The following NOC2L variants were observed in gnomAD, a reference collection of about 807,000 sequenced individuals.
The protein encoded by NOC2L is NOC2 like nucleolar associated transcriptional repressor.
NOC2L carries 101 observed loss-of-function variants against 94.2 expected under a neutral mutation model. That is an observed-to-expected ratio of 1.07 (90% CI 0.91 to 1.26). The LOEUF is 1.26. NOC2L is among the 50% of genes most tolerant of loss of function. NOC2L has a pLI of 0.00. For missense variants in NOC2L, 1,076 were observed against 980.1 expected (o/e 1.10, Z -1.31); for synonymous variants, 531 against 413.4 (o/e 1.28, Z -3.45).
In NOC2L at chr1:953,352, G is replaced by A; in HGVS notation, c.889-64C>T. 3.1e-6 allele frequency: 3 copies of A among 970,234 alleles called. No individual in the cohort carries two copies. The South Asian group carries it at 4.1e-5, about 13-fold the overall frequency. 60.1% of individuals were successfully genotyped at this position (970,234 alleles called of 1,614,324 possible). A position where few individuals can be genotyped will look rare whatever the true frequency, so the allele number is the denominator to read the frequency against. Reference sequence around the variant, plus strand: ...CCTCAGCAGGGATGCCCCAGGGCCAGCACAGCCCTCCCCAGCCAGGCAAAG... The same window carrying A: ...CCTCAGCAGGGATGCCCCAGGGCCAACACAGCCCTCCCCAGCCAGGCAAAG... On this transcript the variant is annotated intron_variant, in intron 8 of 18. Transcript: ENST00000327044.
chr1:955,726 G>A (rs575914909), intron 6 of NOC2L, among the ~76,000 whole-genome samples, 197 bp downstream of exon 6: 16 of 152,352 alleles, frequency 1.1e-4, no homozygotes, highest in Middle Eastern at 3.4e-3. Context: ...AAGGAAAGAA[G>A]GTGGGGCCGC....
chr1:952,193 G>A (rs1642278650), intron 10 of NOC2L, 54 bp from the exon 11 acceptor site: 17 of 1,595,710 alleles, frequency 1.1e-5, no homozygotes, highest in Non-Finnish European at 1.5e-5. Flanking sequence ...TCAGGCTGAT[G>A]CACGTTCCTC....
chr1:945,265 A>G, intron 17 of NOC2L, 119 bp from the exon 18 acceptor site: 1 of 1,297,630 alleles, frequency 7.7e-7, no homozygotes, highest in South Asian at 1.4e-5. Context: ...GACTTCCAGC[A>G]GGTGGAGAGG....
intron 2 of NOC2L, chr1:958,381 T>G (rs1642476294): frequency 3.4e-6 from 1 of 290,260 alleles, no homozygotes; most frequent in Non-Finnish European, 6.8e-6. Flanking sequence ...GCCTCCCGAG[T>G]AGTTGGGATT....
chr1:945,940 T>C (rs1642095838), intron 16 of NOC2L, among the ~76,000 whole-genome samples: 1 of 152,218 alleles, frequency 6.6e-6, no homozygotes, highest in Non-Finnish European at 1.5e-5. Context: ...CCATCAGGCC[T>C]GAGGGGGCAT....
rs368294386 is a variant in NOC2L at position 956,218 on chromosome 1, G to A, written c.487-3C>T. 9.3e-6 allele frequency: 15 copies of A among 1,613,168 alleles called. No homozygotes were observed. The highest frequency in any genetic ancestry group is 1.3e-5 in the Non-Finnish European group (15 of 1,180,002). On this transcript the variant is annotated splice_region_variant and splice_polypyrimidine_tract_variant and intron_variant, in intron 4 of 18. Coordinates refer to ENST00000327044, the MANE Select transcript of NOC2L (RefSeq NM_015658.4). ...AACAGCTTTGGAGTGAGGCGTTGCT[G>A]AAGGAGCAAGAGTACCAGGGGCGTC...
intron 16 of NOC2L, among the ~76,000 whole-genome samples, chr1:945,859 C>T (rs1366982410): frequency 1.3e-5 from 2 of 152,226 alleles, no homozygotes; most frequent in Admixed American, 6.5e-5. Context: ...TCCTCACGGG[C>T]CCCTGGTGCC....
rs1456331715 is a variant in NOC2L at position 945,124 on chromosome 1, A to C, written c.2076T>G (p.Thr692=). The change falls in exon 18 of 19, where the codon ACT becomes ACG. Residue 692 remains threonine (T), a synonymous_variant. Transcript: ENST00000327044. ...CTTCATCGTCTTCCACCCCATGCCG[A>C]GTGCTCAGGGGCCTCAGTATCCCTG... is the stretch of plus-strand genomic sequence containing the variant. ...SERGILRPLS[T]RHGVEDDEED... is the part of the protein sequence containing the mutation. 6.2e-7 allele frequency: 1 copy of C among 1,611,716 alleles called. No homozygotes were observed. Among genetic ancestry groups the C allele is most frequent in the Non-Finnish European group, 8.5e-7 (1 of 1,178,934 alleles).
chr1:945,609 A>C lies in NOC2L; in HGVS notation c.1962T>G (p.Ala654=). 1 of 1,614,140 alleles carries C rather than the reference A, an allele frequency of 6.2e-7. No individual in the cohort carries two copies. Among genetic ancestry groups the C allele is most frequent in the Non-Finnish European group, 8.5e-7 (1 of 1,179,998 alleles). ...NFPEIKRRKM[A]DRKDEDRKQF... ...GCTTCCTGTCCTCATCCTTCCTGTC[A>C]GCCATCTTCCTTCGTTTGATCTCAG... Residue 654 remains alanine (A), a synonymous_variant, in exon 17 of 19, where the codon GCT becomes GCG. Transcript: ENST00000327044.
At chr1:958,577 C>T in intron 2 of NOC2L, 1 of 476,876 alleles carries the variant, frequency 2.1e-6, no homozygotes, top group Non-Finnish European at 4.1e-6. Flanking sequence ...AGCAACTCGG[C>T]TCCCCTGCAA....
At chr1:947,118 T>A (rs1438117316) in intron 14 of NOC2L, 3 of 153,604 alleles carry the variant, frequency 2.0e-5, no homozygotes, top group African/African-American at 7.2e-5. Flanking sequence ...ACGTGTGCAT[T>A]GCATGGTTCT....
intron 2 of NOC2L, 58 bp from the exon 3 acceptor site, chr1:957,331 T>C: frequency 1.3e-6 from 2 of 1,548,230 alleles, no homozygotes; most frequent in Non-Finnish European, 1.8e-6. Flanking sequence ...GGGCGGGGAG[T>C]GGCCTACAGG....
At chr1:956,044 G>A (rs754986578) in intron 5 of NOC2L, 31 bp from the exon 6 acceptor site, 2 of 1,614,086 alleles carry the variant, frequency 1.2e-6, no homozygotes, top group Admixed American at 3.3e-5. Context: ...TGTACTCACG[G>A]GACAGAGAAC....
At chr1:948,648 C>T (rs765513018) in intron 12 of NOC2L, 45 bp from the exon 13 acceptor site, 2 of 1,480,622 alleles carry the variant, frequency 1.4e-6, no homozygotes, top group Admixed American at 1.7e-5. Context: ...CATGCCTGGT[C>T]ACCCTGGCTT....
chr1:958,410 C>A (rs1642476982), intron 2 of NOC2L: 1 of 322,622 alleles, frequency 3.1e-6, no homozygotes, highest in Non-Finnish European at 6.1e-6. Context: ...CCACCACGCC[C>A]GGCTAATTTT....
At chr1:954,175 C>T in intron 6 of NOC2L, 93 bp from the exon 7 acceptor site, 2 of 1,189,976 alleles carry the variant, frequency 1.7e-6, no homozygotes, top group Non-Finnish European at 2.4e-6. Context: ...CCAGCATAGC[C>T]TCTACGACTC....
In NOC2L at chr1:951,346, A is replaced by G. The variant is rs878971298; in HGVS notation, c.1332-108T>C. On this transcript the variant is annotated intron_variant, in intron 11 of 18. Coordinates refer to ENST00000327044, the MANE Select transcript of NOC2L (RefSeq NM_015658.4). ...CCACTCACCGACATCAGACCCCTAA[A>G]GCAGGACAAGGCACGTCTGAACCCC... 3 of 852,036 alleles carry G rather than the reference A, an allele frequency of 3.5e-6. No homozygotes were observed. The South Asian group carries it at 4.5e-5, about 13-fold the overall frequency. 52.8% of individuals were successfully genotyped at this position (852,036 alleles called of 1,614,324 possible).
chr1:948,376 A>T, intron 13 of NOC2L, 114 bp downstream of exon 13: 1 of 1,033,880 alleles, frequency 9.7e-7, no homozygotes. Context: ...GCCCTGGGAG[A>T]CCATGAAGGT....
intron 2 of NOC2L, 142 bp from the exon 3 acceptor site, chr1:957,415 C>G (rs556383503): frequency 4.1e-6 from 3 of 735,712 alleles, no homozygotes; most frequent in Non-Finnish European, 4.4e-6. Context: ...TTGGCAGACT[C>G]ACGTCTCCTA....
Sources: allele counts gnomAD v4.1 joint callset (sites outside exome capture counted in the v4.1 genomes callset), GRCh38; gene constraint gnomAD v4.1.1; transcripts MANE v1.5; gene names NCBI Gene and HGNC (gene_info 2026-07-23, HGNC 2026-07-21).